Variants in DMC1 observed in about 807,000 individuals in gnomAD.
DMC1 encodes meiotic recombination protein DMC1 homolog.
DMC1 carries 27 observed loss-of-function variants against 50.1 expected under a neutral mutation model. That is an observed-to-expected ratio of 0.54 (90% confidence interval 0.40 to 0.74). The LOEUF (loss-of-function observed/expected upper bound fraction) is 0.74. Ranked by LOEUF, DMC1 falls within the 30% of genes least tolerant of loss-of-function variation. DMC1 has a pLI of 0.00. For synonymous variants in DMC1, 148 were observed against 136.1 expected, an observed-to-expected ratio of 1.09 and a Z score of -0.61; for missense variants, 295 against 420.2, an observed-to-expected ratio of 0.70 and a Z score of 2.60.
intron 4 of DMC1, among the ~76,000 whole-genome samples, chr22:38,564,008 A>C (rs1014194206): frequency 2.0e-5 from 3 of 151,596 alleles, no homozygotes; most frequent in Non-Finnish European, 4.4e-5. Context: ...CCTCCACAAA[A>C]ATTTTTAAAA....
chr22:38,557,882 T>G (rs2090483547), intron 5 of DMC1, among the ~76,000 whole-genome samples: 1 of 151,766 alleles, frequency 6.6e-6, no homozygotes, highest in Non-Finnish European at 1.5e-5. Context: ...ACTTCTAAAT[T>G]TATTTGAGTT....
At chr22:38,552,877 T>G (rs2090427641) in intron 6 of DMC1, among the ~76,000 whole-genome samples, 170 bp from the exon 7 acceptor site, 1 of 151,598 alleles carries the variant, frequency 6.6e-6, no homozygotes, top group African/African-American at 2.4e-5. Flanking sequence ...TGAGACAGAG[T>G]CTTGCTCTCA....
At chr22:38,561,999 G>A (rs2090532491) in intron 5 of DMC1, among the ~76,000 whole-genome samples, 1 of 152,112 alleles carries the variant, frequency 6.6e-6, no homozygotes, top group Non-Finnish European at 1.5e-5. Context: ...ATATGGAGAA[G>A]GAAAGTAAAT....
intron 5 of DMC1, among the ~76,000 whole-genome samples, chr22:38,555,919 C>A (rs2090465079): frequency 6.6e-6 from 1 of 151,760 alleles, no homozygotes; most frequent in African/African-American, 2.4e-5. Context: ...GCAGCCTCCG[C>A]CTACCAGGTT....
intron 8 of DMC1, among the ~76,000 whole-genome samples, chr22:38,547,116 A>G (rs1429526417): frequency 1.3e-5 from 2 of 152,076 alleles, no homozygotes; most frequent in African/African-American, 2.4e-5. Flanking sequence ...TGCCCAGGCT[A>G]ATCATGAACT....
chr22:38,552,730 AT>A, intron 6 of DMC1, 23 bp from the exon 7 acceptor site: 2 of 1,485,464 alleles, frequency 1.3e-6, no homozygotes, highest in Non-Finnish European at 1.9e-6. Context: ...GAAAAAAATG[AT>A]TTTAAAAATG....
At chr22:38,553,221 G>A (rs981349960) in intron 6 of DMC1, among the ~76,000 whole-genome samples, 7 of 151,098 alleles carry the variant, frequency 4.6e-5, no homozygotes, top group Admixed American at 6.6e-5. Context: ...GTTTAAGGCC[G>A]GGCGCGGTGG....
chr22:38,562,820 CACACATATATACATAT>C (rs1444801252), intron 4 of DMC1, among the ~76,000 whole-genome samples: 3 of 151,512 alleles, frequency 2.0e-5, no homozygotes, highest in African/African-American at 7.3e-5. Flanking sequence ...TACATATATA[CACACATATATACATAT>C]ACACATATAT....
chr22:38,527,523 T>A (rs1186697556), intron 12 of DMC1, among the ~76,000 whole-genome samples: 2 of 149,012 alleles, frequency 1.3e-5, no homozygotes, highest in Non-Finnish European at 3.0e-5. Context: ...CTCCTTTTTT[T>A]TTTTTTTTTT....
downstream of DMC1, among the ~76,000 whole-genome samples, chr22:38,515,965 T>C (rs1317965700): frequency 1.3e-5 from 2 of 152,138 alleles, no homozygotes; most frequent in African/African-American, 4.8e-5. Flanking sequence ...TCCTAACCAA[T>C]AAACCCTCTT....
At chr22:38,533,252 G>A (rs1276181127) in intron 12 of DMC1, among the ~76,000 whole-genome samples, 2 of 151,746 alleles carry the variant, frequency 1.3e-5, no homozygotes, top group African/African-American at 2.4e-5. Flanking sequence ...AAAATTAGCC[G>A]GGTGTGGTGG....
chr22:38,541,240 C>T (rs2090277258), intron 8 of DMC1, among the ~76,000 whole-genome samples: 1 of 152,090 alleles, frequency 6.6e-6, no homozygotes, highest in Non-Finnish European at 1.5e-5. Context: ...CTTTAGGACT[C>T]AGATCTTAGT....
rs180980529 is a variant in DMC1, at chr22:38,557,795, C to T, written c.327-2386G>A. 8.7e-4 allele frequency among the ~76,000 whole-genome samples: 132 copies of T among 152,062 alleles called. 1 individual carries two copies. Among genetic ancestry groups the T allele is most frequent in the Non-Finnish European group, 1.5e-3 (104 of 67,980 alleles). ...TTGGCCTCTGACTGATTAAATGGTA[C>T]ATTCCTTCAATTTTCAAGTTGATAA... On this transcript the variant is annotated intron_variant, in intron 5 of 13. Transcript: ENST00000216024.
At chr22:38,522,322 G>A (rs948058314) in intron 12 of DMC1, among the ~76,000 whole-genome samples, 1 of 151,440 alleles carries the variant, frequency 6.6e-6, no homozygotes, top group African/African-American at 2.4e-5. Context: ...TTGGGAGGTC[G>A]AGGTGGGTGG....
intron 12 of DMC1, among the ~76,000 whole-genome samples, chr22:38,523,330 G>A (rs1219652212): frequency 2.0e-5 from 3 of 152,162 alleles, no homozygotes; most frequent in African/African-American, 4.8e-5. Context: ...CTTACAGATC[G>A]ATGCCACTTA....
At chr22:38,511,877 T>C in the DMC1 span, among the ~76,000 whole-genome samples, 6 of 152,208 alleles carry the variant, frequency 3.9e-5, no homozygotes, top group Admixed American at 2.0e-4. Context: ...CAATGAGATA[T>C]AAGCACAAGT....
downstream of DMC1, among the ~76,000 whole-genome samples, chr22:38,515,627 C>G (rs1473565487): frequency 1.3e-5 from 2 of 151,942 alleles, no homozygotes; most frequent in Non-Finnish European, 2.9e-5. Flanking sequence ...GGTGAAACCT[C>G]GTCTCTACTA....
At chr22:38,554,580 G>A (rs1345326538) in intron 6 of DMC1, among the ~76,000 whole-genome samples, 3 of 151,984 alleles carry the variant, frequency 2.0e-5, no homozygotes, top group South Asian at 4.1e-4. Context: ...GCTCATGCCT[G>A]TAATCCCAAT....
intron 1 of DMC1, among the ~76,000 whole-genome samples, chr22:38,569,804 T>C (rs1441708144): frequency 1.3e-5 from 2 of 152,230 alleles, no homozygotes; most frequent in Non-Finnish European, 1.5e-5. Flanking sequence ...GACATTTTCC[T>C]GACACCGGAT....
Sources: gnomAD v4.1 joint callset for allele counts (sites outside exome capture counted in the v4.1 genomes callset) on GRCh38, gnomAD v4.1.1 for gene constraint, MANE v1.5 for transcripts, NCBI Gene and HGNC (gene_info 2026-07-23, HGNC 2026-07-21) for gene names.